The following CSMD2 variants were observed in gnomAD, a reference collection of about 807,000 sequenced individuals.
CSMD2 encodes the protein CUB and Sushi multiple domains 2.
In CSMD2, 130 loss-of-function variants were observed where a neutral mutation model predicts 398.5. That is an observed-to-expected ratio of 0.33 (90% CI 0.28 to 0.38). The LOEUF is 0.38. Among genes scored for constraint, CSMD2 ranks in the 10% least tolerant of loss-of-function variants. The pLI is 1.00. For synonymous variants in CSMD2, 1,828 were observed against 1,908.5 expected (o/e 0.96, Z 1.10); for missense variants, 3,829 against 4,764.9 (o/e 0.80, Z 5.78).
At chr1:34,145,920 A>G (rs1481017285) in intron 1 of CSMD2, among the ~76,000 whole-genome samples, 2 of 152,184 alleles carry the variant, frequency 1.3e-5, no homozygotes, top group Non-Finnish European at 2.9e-5. Flanking sequence ...GAGAGGCACA[A>G]TCCTAGCCCT....
rs1169348501 is a variant in CSMD2, at chr1:33,743,534, T to C, written c.1919A>G (p.Asn640Ser). 2 of 1,613,954 alleles carry C rather than the reference T, an allele frequency of 1.2e-6. No individual in the cohort carries two copies. Among genetic ancestry groups the C allele is most frequent in the African/African-American group, 1.3e-5 (1 of 75,026 alleles). Residue 640 changes from asparagine (N) to serine (S), a missense_variant, in exon 14 of 71, where the codon AAC (asparagine) becomes AGC (serine). Physicochemically the swap from Asn to Ser is conservative, Grantham distance 46. This residue lies in a region of CSMD2 where 2,001 missense variants were observed against 2,567.1 expected (regional missense o/e 0.78). Transcript: ENST00000373381. ...LSPNYPEDYG[N>S]HLHCVWLILA... ...GATGAGCCAGACACAGTGGAGGTGGTTGCCATAGTCCTCTGGGTAGTTGGG... is the reference window on the plus strand; with the variant it reads ...GATGAGCCAGACACAGTGGAGGTGGCTGCCATAGTCCTCTGGGTAGTTGGG...
At chr1:33,613,556 G>C (rs1218587014) in intron 40 of CSMD2, among the ~76,000 whole-genome samples, 3 of 152,092 alleles carry the variant, frequency 2.0e-5, no homozygotes, top group Non-Finnish European at 4.4e-5. Flanking sequence ...CCTCCAACCG[G>C]ATTTAGAGAA....
chr1:33,851,935 C>T (rs894062349), intron 5 of CSMD2, among the ~76,000 whole-genome samples: 2 of 151,748 alleles, frequency 1.3e-5, no homozygotes, highest in African/African-American at 4.8e-5. Context: ...TTTTTTTTAC[C>T]AGCAGTGCCT....
At chr1:33,664,788 G>GCGAGACTC (rs1210699108) in intron 25 of CSMD2, among the ~76,000 whole-genome samples, 1 of 152,028 alleles carries the variant, frequency 6.6e-6, no homozygotes, top group Admixed American at 6.5e-5. Flanking sequence ...GGGCGACACA[G>GCGAGACTC]CGAGACTCCG....
chr1:33,820,565 CAAAAAAAA>C lies in CSMD2; in HGVS notation c.1112-17_1112-10del, dbSNP rs753962666. 8.7e-4 allele frequency: 387 copies of C among 443,728 alleles called. 2 individuals are homozygous for C. The highest frequency in any genetic ancestry group is 1.2e-3 in the Non-Finnish European group (321 of 270,046). 27.5% of individuals were successfully genotyped at this position (443,728 alleles called of 1,614,324 possible). ...CACACCAACCTGAGTTACTACAAGG[CAAAAAAAA>C]AAAAAAAAAAAAAAACAGCACACAC... On this transcript the variant is annotated splice_polypyrimidine_tract_variant and intron_variant, in intron 7 of 70. Coordinates refer to ENST00000373381, the MANE Select transcript of CSMD2 (RefSeq NM_001281956.2).
intron 2 of CSMD2, among the ~76,000 whole-genome samples, chr1:34,082,125 GCCGCCCCGT>G (rs1657244456): frequency 1.4e-5 from 2 of 141,336 alleles, no homozygotes; most frequent in South Asian, 2.3e-4. Flanking sequence ...CCTCTGCCCG[GCCGCCCCGT>G]CTGGGATGTG....
At chr1:34,044,565 T>A (rs1652260405) in intron 2 of CSMD2, among the ~76,000 whole-genome samples, 1 of 152,078 alleles carries the variant, frequency 6.6e-6, no homozygotes, top group Non-Finnish European at 1.5e-5. Context: ...CTGCTGACAC[T>A]CCCTATCTTG....
At chr1:34,126,147 T>G (rs1421777842) in intron 1 of CSMD2, among the ~76,000 whole-genome samples, 1 of 152,152 alleles carries the variant, frequency 6.6e-6, no homozygotes, top group Admixed American at 6.5e-5. Flanking sequence ...CTGATGACTC[T>G]CCCTTACCAT....
At chr1:33,619,022 G>T (rs1641582826) in intron 37 of CSMD2, among the ~76,000 whole-genome samples, 1 of 152,124 alleles carries the variant, frequency 6.6e-6, no homozygotes, top group Non-Finnish European at 1.5e-5. Flanking sequence ...TTCCAGACAG[G>T]GGGCTTCCTG....
chr1:33,830,171 T>C (rs373542153), intron 6 of CSMD2, among the ~76,000 whole-genome samples: 6 of 152,192 alleles, frequency 3.9e-5, no homozygotes, highest in Non-Finnish European at 8.8e-5. Context: ...TCTCCCAGCA[T>C]GCAGCTGGAG....
intron 3 of CSMD2, among the ~76,000 whole-genome samples, chr1:33,989,588 G>C (rs1029925010): frequency 6.6e-6 from 1 of 151,988 alleles, no homozygotes; most frequent in Non-Finnish European, 1.5e-5. Flanking sequence ...TTCACCAAAA[G>C]GATATTTGGA....
intron 1 of CSMD2, among the ~76,000 whole-genome samples, chr1:34,140,965 C>T (rs1558451811): frequency 6.6e-6 from 1 of 152,088 alleles, no homozygotes; most frequent in Non-Finnish European, 1.5e-5. Context: ...CAGCCCCAGC[C>T]ACCACACACA....
intron 48 of CSMD2, among the ~76,000 whole-genome samples, chr1:33,579,412 C>T (rs747736935): frequency 2.0e-5 from 3 of 152,142 alleles, no homozygotes; most frequent in Non-Finnish European, 2.9e-5. Flanking sequence ...GACCCCTCTC[C>T]GTGTGCACCA....
intron 25 of CSMD2, among the ~76,000 whole-genome samples, chr1:33,675,706 A>T (rs940129103): frequency 2.0e-4 from 31 of 152,308 alleles, no homozygotes; most frequent in Non-Finnish European, 2.9e-4. Context: ...GCAAAAATCC[A>T]CAATAAAATA....
chr1:33,921,510 T>A (rs146896650), intron 4 of CSMD2, among the ~76,000 whole-genome samples: 1 of 152,312 alleles, frequency 6.6e-6, no homozygotes, highest in Non-Finnish European at 1.5e-5. Context: ...CAGGTGGAAC[T>A]GTCTTCGCCC....
intron 2 of CSMD2, among the ~76,000 whole-genome samples, chr1:34,086,021 A>G (rs1416598002): frequency 8.1e-5 from 5 of 61,640 alleles, no homozygotes; most frequent in East Asian, 3.0e-4. Flanking sequence ...AGTTTCCTGG[A>G]AAAAAAAAAA....
In CSMD2 at chr1:33,772,726, G is replaced by A; in HGVS notation, c.1689C>T (p.Asp563=). The part of the protein sequence containing the change: ...YEEIEQGSCG[D]PGIPAYGRRE... ...TCCGGCCATATGCAGGTATGCCAGG[G>A]TCACCGCAACTGCCCTGCTCGATCT... The change falls in exon 13 of 71, where the codon GAC becomes GAT. Residue 563 remains aspartate (D), a synonymous_variant. Transcript: ENST00000373381. 1 of 1,613,910 alleles carries A rather than the reference G, an allele frequency of 6.2e-7. No individual in the cohort carries two copies. The highest frequency in any genetic ancestry group is 8.5e-7 in the Non-Finnish European group (1 of 1,179,842).
intron 14 of CSMD2, among the ~76,000 whole-genome samples, chr1:33,739,744 G>C (rs1339356830): frequency 2.0e-5 from 3 of 152,124 alleles, no homozygotes; most frequent in African/African-American, 7.2e-5. Context: ...CCTAACTTCA[G>C]ACAGTTATGG....
At chr1:33,587,018 C>T in intron 45 of CSMD2, 70 bp downstream of exon 45, 1 of 1,253,160 alleles carries the variant, frequency 8.0e-7, no homozygotes, top group Non-Finnish European at 1.1e-6. Flanking sequence ...GGCCCGACAG[C>T]TCCCCCCGCC....
Sources: gnomAD v4.1 joint callset for allele counts (sites outside exome capture counted in the v4.1 genomes callset) on GRCh38, gnomAD v4.1.1 for gene constraint, gnomAD v4.1.1 regional missense constraint, MANE v1.5 for transcripts, NCBI Gene and HGNC (gene_info 2026-07-23, HGNC 2026-07-21) for gene names.